Variants in CLEC4A observed in about 807,000 individuals in gnomAD.
CLEC4A encodes C-type (calcium dependent, carbohydrate-recognition domain) lectin, superfamily member 6.
A neutral mutation model predicts 32.7 loss-of-function variants in CLEC4A; 27 were observed. That is an observed-to-expected ratio of 0.83 (90% CI 0.61 to 1.14). The LOEUF is 1.14. Ranked by LOEUF, CLEC4A falls within the 50% of genes most tolerant of loss-of-function variation. CLEC4A has a pLI of 0.00. For missense variants in CLEC4A, 253 were observed against 274.6 expected, an observed-to-expected ratio of 0.92 and a Z score of 0.55; for synonymous variants, 89 against 93.7, an observed-to-expected ratio of 0.95 and a Z score of 0.29.
the CLEC4A span, among the ~76,000 whole-genome samples, chr12:8,103,486 A>T: frequency 1.4e-5 from 2 of 143,038 alleles, no homozygotes; most frequent in Non-Finnish European, 3.0e-5. Context: ...TCCCGGCTTC[A>T]CACCGGCTTC....
Position 8,134,027 on chromosome 12 carries a change from A to C in CLEC4A, c.299-1558A>C, listed in dbSNP as rs1948046675. Reference sequence around the variant, plus strand: ...CTTCTGGCGCCGGTTACAGAACCACACTCGGACCACATCCTTCTCCAGCCC... The same window carrying C: ...CTTCTGGCGCCGGTTACAGAACCACCCTCGGACCACATCCTTCTCCAGCCC... On this transcript the variant is annotated intron_variant, in intron 3 of 5. Transcript: ENST00000229332. 16 of 1,601,862 alleles carry C rather than the reference A, an allele frequency of 1.0e-5. No homozygotes were observed. The South Asian group carries it at 1.8e-4, about 18-fold the overall frequency.
the CLEC4A span, among the ~76,000 whole-genome samples, chr12:8,105,490 CAGG>C: frequency 3.9e-5 from 6 of 152,020 alleles, no homozygotes; most frequent in Non-Finnish European, 8.8e-5. Flanking sequence ...GCTGGGACTA[CAGG>C]TGTGTGCCAC....
chr12:8,114,977 A>G, the CLEC4A span, among the ~76,000 whole-genome samples: 1 of 152,130 alleles, frequency 6.6e-6, no homozygotes, highest in Non-Finnish European at 1.5e-5. Flanking sequence ...GAACTATCCT[A>G]CTGGCCTCCT....
At chr12:8,117,902 G>A in the CLEC4A span, among the ~76,000 whole-genome samples, 3,139 of 152,218 alleles carry the variant, frequency 0.021, 100 homozygotes, top group African/African-American at 0.072. Context: ...AAGTGACTGA[G>A]GCAGGTCTCA....
the CLEC4A span, among the ~76,000 whole-genome samples, chr12:8,114,944 G>A: frequency 6.6e-6 from 1 of 152,178 alleles, no homozygotes; most frequent in African/African-American, 2.4e-5. Context: ...CCAATTACTC[G>A]CTGAGAGGGA....
chr12:8,106,071 A>G, the CLEC4A span, among the ~76,000 whole-genome samples: 7 of 152,240 alleles, frequency 4.6e-5, no homozygotes, highest in African/African-American at 1.2e-4. Flanking sequence ...TGTATGCGGT[A>G]TAAGGAAGGG....
chr12:8,125,428 C>A, intron 1 of CLEC4A, 133 bp from the exon 2 acceptor site: 1 of 602,690 alleles, frequency 1.7e-6, no homozygotes, highest in Admixed American at 2.9e-5. Context: ...TATTCCTATT[C>A]TCATGTGATT....
chr12:8,121,140 C>T (rs895300644), upstream of CLEC4A: 4 of 152,188 alleles, frequency 2.6e-5, no homozygotes, highest in African/African-American at 9.7e-5. Flanking sequence ...TGTTGTAAGC[C>T]ACTTGGATTT....
the CLEC4A span, among the ~76,000 whole-genome samples, chr12:8,103,268 T>G: frequency 2.8e-3 from 427 of 152,170 alleles, 2 homozygotes; most frequent in African/African-American, 1.0e-2. Context: ...TCTTCTTTGC[T>G]TATAAAGTCC....
chr12:8,105,430 A>G, the CLEC4A span, among the ~76,000 whole-genome samples: 1 of 150,596 alleles, frequency 6.6e-6, no homozygotes, highest in African/African-American at 2.5e-5. Context: ...GCTCACTGCA[A>G]CCTCCACCTC....
At chr12:8,115,337 C>T in the CLEC4A span, among the ~76,000 whole-genome samples, 1 of 152,120 alleles carries the variant, frequency 6.6e-6, no homozygotes, top group African/African-American at 2.4e-5. Flanking sequence ...GTTAAAACAC[C>T]AATTTTTGGG....
Position 8,135,175 on chromosome 12 carries a change from C to T in CLEC4A, c.299-410C>T, listed in dbSNP as rs370041088. ...TGCTGGGATTACAGATGTGAGCCAC[C>T]GTGCCCGGCCCCATTTTTGTTGTCT... On this transcript the variant is annotated intron_variant, in intron 3 of 5. Transcript: ENST00000229332. 5.7e-4 allele frequency among the ~76,000 whole-genome samples: 81 copies of T among 143,220 alleles called. No homozygotes were observed. In the East Asian group the frequency reaches 6.7e-3, roughly 12 times the overall value. 94.0% of individuals were successfully genotyped at this position (143,220 alleles called of 152,430 possible). A position where few individuals can be genotyped will look rare whatever the true frequency, so the allele number is the denominator to read the frequency against.
intron 1 of CLEC4A, among the ~76,000 whole-genome samples, chr12:8,124,345 G>A (rs2120565518): frequency 6.6e-6 from 1 of 152,258 alleles, no homozygotes; most frequent in South Asian, 2.1e-4. Context: ...TGATGAATTT[G>A]TGAGATTTGT....
At chr12:8,115,868 A>T in the CLEC4A span, among the ~76,000 whole-genome samples, 1 of 152,068 alleles carries the variant, frequency 6.6e-6, no homozygotes, top group Non-Finnish European at 1.5e-5. Context: ...AACTCACTGC[A>T]GCCTCAACCT....
At chr12:8,133,396 G>A (rs1254943430) in intron 3 of CLEC4A, among the ~76,000 whole-genome samples, 2 of 151,978 alleles carry the variant, frequency 1.3e-5, no homozygotes, top group Admixed American at 6.5e-5. Flanking sequence ...ATTTTCTGTT[G>A]TTTTGTCTTC....
the CLEC4A span, among the ~76,000 whole-genome samples, chr12:8,114,781 C>CA: frequency 1.3e-5 from 2 of 152,106 alleles, no homozygotes; most frequent in African/African-American, 4.8e-5. Flanking sequence ...TATTTAAATC[C>CA]AAACCCTTAG....
the CLEC4A span, among the ~76,000 whole-genome samples, chr12:8,106,668 G>A: frequency 6.6e-6 from 1 of 152,028 alleles, no homozygotes; most frequent in Non-Finnish European, 1.5e-5. Context: ...CATTTTGAAT[G>A]GAATTACATT....
the CLEC4A span, among the ~76,000 whole-genome samples, chr12:8,110,898 G>A: frequency 6.6e-6 from 1 of 151,344 alleles, no homozygotes; most frequent in African/African-American, 2.4e-5. Flanking sequence ...TTTTGAGACG[G>A]AGTCTCGCTC....
upstream of CLEC4A, chr12:8,123,521 G>T (rs948525325): frequency 8.6e-5 from 15 of 174,870 alleles, no homozygotes; most frequent in Admixed American, 3.1e-4. Context: ...GGTGAAAAAC[G>T]CAGTTCTCCA....
Sources: gnomAD v4.1 joint callset for allele counts (sites outside exome capture counted in the v4.1 genomes callset) on GRCh38, gnomAD v4.1.1 for gene constraint, MANE v1.5 for transcripts, NCBI Gene and HGNC (gene_info 2026-07-23, HGNC 2026-07-21) for gene names.